The following CTNNA2 variants were observed in gnomAD, a reference collection of about 807,000 sequenced individuals.
CTNNA2 encodes the protein catenin alpha-2.
CTNNA2 carries 42 observed loss-of-function variants against 101.0 expected under a neutral mutation model. The observed-to-expected ratio is 0.42, with a 90% confidence interval of 0.32 to 0.54. The LOEUF (loss-of-function observed/expected upper bound fraction) is 0.54, where lower values mean the gene tolerates loss of function less well. Ranked by LOEUF, CTNNA2 falls within the 20% of genes least tolerant of loss-of-function variation. The pLI, the probability that CTNNA2 is intolerant of heterozygous loss-of-function variation, is 0.14. For missense variants in CTNNA2, 871 were observed against 1,223.1 expected (o/e 0.71, Z 4.29); for synonymous variants, 450 against 456.4 (o/e 0.99, Z 0.18).
At chr2:80,019,574 T>C (rs981258909) in intron 7 of CTNNA2, among the ~76,000 whole-genome samples, 2 of 152,228 alleles carry the variant, frequency 1.3e-5, no homozygotes, top group African/African-American at 4.8e-5. Flanking sequence ...ATTTTCTTTT[T>C]AAAGAAAATC....
chr2:79,304,693 G>C (rs1434203), intron 2 of CTNNA2, among the ~76,000 whole-genome samples: 30,035 of 152,106 alleles, frequency 0.2, 3,326 homozygotes, highest in Middle Eastern at 0.3. Context: ...AACTCAATAG[G>C]TATCTATTGT....
At chr2:79,834,010 G>T (rs1679125754) in intron 3 of CTNNA2, among the ~76,000 whole-genome samples, 2 of 151,970 alleles carry the variant, frequency 1.3e-5, no homozygotes, top group Admixed American at 1.3e-4. Flanking sequence ...CTTACTGTTG[G>T]AATTTTGAGA....
chr2:79,308,781 GGT>G (rs1491164099), intron 2 of CTNNA2, among the ~76,000 whole-genome samples: 1 of 120,458 alleles, frequency 8.3e-6, no homozygotes, highest in East Asian at 2.2e-4. Context: ...TTCATTTTAT[GGT>G]TTTTTTTTTT....
chr2:79,345,762 G>A (rs980704756), intron 3 of CTNNA2, among the ~76,000 whole-genome samples: 12 of 151,828 alleles, frequency 7.9e-5, no homozygotes, highest in Admixed American at 3.9e-4. Flanking sequence ...GCACAGTTTC[G>A]ACTCACTGCA....
rs371752086 is a variant in CTNNA2, at chr2:80,161,610, A to G, written c.1057-231601A>G. On this transcript the variant is annotated intron_variant, in intron 7 of 18. Coordinates refer to ENST00000402739, the MANE Select transcript of CTNNA2 (RefSeq NM_001282597.3). Reference sequence around the variant, plus strand: ...TGTACACATTCTGGGCACTTTGAAAATGTTAAAGTTTTTAACGTTTGACTG... The same window carrying G: ...TGTACACATTCTGGGCACTTTGAAAGTGTTAAAGTTTTTAACGTTTGACTG... Among the ~76,000 whole-genome samples the G allele has an allele frequency of 2.1e-3, 321 of 152,330 alleles. 2 individuals are homozygous for G. The highest frequency in any genetic ancestry group is 7.3e-3 in the African/African-American group (304 of 41,572).
At chr2:79,398,245 C>A (rs143063923) in intron 4 of CTNNA2, among the ~76,000 whole-genome samples, 1 of 152,212 alleles carries the variant, frequency 6.6e-6, no homozygotes, top group African/African-American at 2.4e-5. Flanking sequence ...GGGATACGGA[C>A]GAGCTGTAGT....
chr2:79,755,873 G>T (rs142788229), intron 3 of CTNNA2, among the ~76,000 whole-genome samples: 1 of 152,238 alleles, frequency 6.6e-6, no homozygotes, highest in Non-Finnish European at 1.5e-5. Flanking sequence ...ACCTAGAGAT[G>T]CATACAATGA....
chr2:79,451,582 T>C (rs957115107), intron 4 of CTNNA2, among the ~76,000 whole-genome samples: 1 of 151,890 alleles, frequency 6.6e-6, no homozygotes, highest in Non-Finnish European at 1.5e-5. Flanking sequence ...TACTGAGTGA[T>C]TTTCCTAAAG....
At chr2:79,974,035 G>A (rs1194310087) in intron 7 of CTNNA2, among the ~76,000 whole-genome samples, 3 of 151,994 alleles carry the variant, frequency 2.0e-5, no homozygotes, top group East Asian at 1.9e-4. Context: ...GATACTTTTT[G>A]TTATCAGGCA....
chr2:79,502,247 A>G (rs1246807706), intron 4 of CTNNA2, among the ~76,000 whole-genome samples: 1 of 152,164 alleles, frequency 6.6e-6, no homozygotes, highest in African/African-American at 2.4e-5. Context: ...AAGATTTTGG[A>G]AGAAAGAAAG....
At chr2:80,013,377 G>T (rs1693918220) in intron 7 of CTNNA2, among the ~76,000 whole-genome samples, 1 of 152,118 alleles carries the variant, frequency 6.6e-6, no homozygotes, top group African/African-American at 2.4e-5. Context: ...TAGGGGAGGA[G>T]AAAAGAGGAG....
rs1383984942 is a variant in CTNNA2, at chr2:80,296,890, TG to T, written c.1057-96320del. Among the ~76,000 whole-genome samples, 3 of 152,310 alleles carry T rather than the reference TG, an allele frequency of 2.0e-5. No homozygotes were observed. The East Asian group carries it at 5.8e-4, about 29-fold the overall frequency. On this transcript the variant is annotated intron_variant, in intron 7 of 18. Coordinates refer to ENST00000402739, the MANE Select transcript of CTNNA2 (RefSeq NM_001282597.3). ...GTAAATGTCTACTGGGTGGCAAATT[TG>T]CCCCTGGTTGAGAACCAGTACCATA...
At position 80,303,801 on chromosome 2, in the gene CTNNA2, C is replaced by A. The variant is rs567908272; in HGVS notation, c.1057-89410C>A. ...CTCAGCAGCCAGTATAGACAGAGAC[C>A]GAGCAGCAGGAAATCCATTAGCGAG... On this transcript the variant is annotated intron_variant, in intron 7 of 18. Coordinates refer to ENST00000402739, the MANE Select transcript of CTNNA2 (RefSeq NM_001282597.3). The surrounding 1 kb of genome is among the most constrained non-coding windows in gnomAD (Gnocchi z 7.7). The A allele has an allele frequency of 4.6e-6, 7 of 1,514,160 alleles. No homozygotes were observed. The highest frequency in any genetic ancestry group is 6.2e-6 in the Non-Finnish European group (7 of 1,131,930). 93.8% of individuals were successfully genotyped at this position (1,514,160 alleles called of 1,614,324 possible). A position where few individuals can be genotyped will look rare whatever the true frequency, so the allele number is the denominator to read the frequency against.
chr2:79,534,379 T>G (rs752313934), intron 1 of CTNNA2, among the ~76,000 whole-genome samples: 34 of 152,114 alleles, frequency 2.2e-4, no homozygotes, highest in Non-Finnish European at 4.9e-4. Flanking sequence ...AGTTGAAGGC[T>G]CTAGTGATTA....
intron 12 of CTNNA2, among the ~76,000 whole-genome samples, chr2:80,556,197 A>G (rs1313823924): frequency 1.3e-5 from 2 of 152,198 alleles, no homozygotes; most frequent in Non-Finnish European, 2.9e-5. Flanking sequence ...TGGATGAGAT[A>G]ATTTTATGAC....
intron 1 of CTNNA2, among the ~76,000 whole-genome samples, chr2:79,557,483 A>G (rs1474474079): frequency 6.6e-6 from 1 of 151,824 alleles, no homozygotes; most frequent in African/African-American, 2.4e-5. Flanking sequence ...AAAAAAAATG[A>G]CCTACACTTA....
chr2:79,646,445 A>T (rs1680821537), intron 1 of CTNNA2, among the ~76,000 whole-genome samples: 1 of 151,506 alleles, frequency 6.6e-6, no homozygotes, highest in Non-Finnish European at 1.5e-5. Flanking sequence ...CAGAAAGAAT[A>T]TGAAATTATC....
chr2:79,376,418 T>C (rs1267206071), intron 4 of CTNNA2, among the ~76,000 whole-genome samples: 1 of 151,936 alleles, frequency 6.6e-6, no homozygotes, highest in Non-Finnish European at 1.5e-5. Context: ...TTTATCTATG[T>C]TGAGTATAGC....
intron 9 of CTNNA2, among the ~76,000 whole-genome samples, chr2:80,420,798 G>T (rs1212843774): frequency 6.6e-6 from 1 of 152,154 alleles, no homozygotes; most frequent in Non-Finnish European, 1.5e-5. Flanking sequence ...GATACAGGCT[G>T]AGCCATCATC....
Sources: gnomAD v4.1 joint callset for allele counts (sites outside exome capture counted in the v4.1 genomes callset) on GRCh38, gnomAD v4.1.1 for gene constraint, Gnocchi (gnomAD v3.1) non-coding constraint, MANE v1.5 for transcripts, NCBI Gene and HGNC (gene_info 2026-07-23, HGNC 2026-07-21) for gene names.